DCC: variants seen among roughly 807,000 people sequenced by gnomAD.
DCC encodes the protein DCC netrin 1 receptor.
A neutral mutation model predicts 172.5 loss-of-function variants in DCC; 58 were observed. That is an observed-to-expected ratio of 0.34 (90% CI 0.27 to 0.42). DCC has a LOEUF of 0.42. Among genes scored for constraint, DCC ranks in the 10% least tolerant of loss-of-function variants. DCC has a pLI of 1.00. For synonymous variants in DCC, 709 were observed against 644.5 expected (o/e 1.10, Z -1.52); for missense variants, 1,740 against 1,791.0 (o/e 0.97, Z 0.51).
At chr18:53,509,977 G>A (rs1436884778) in intron 27 of DCC, among the ~76,000 whole-genome samples, 1 of 152,100 alleles carries the variant, frequency 6.6e-6, no homozygotes, top group African/African-American at 2.4e-5. Context: ...TGTGATGAGG[G>A]AATTAGTTAA....
chr18:52,982,132 A>G (rs1401373003), intron 5 of DCC, among the ~76,000 whole-genome samples: 1 of 152,178 alleles, frequency 6.6e-6, no homozygotes, highest in Non-Finnish European at 1.5e-5. Flanking sequence ...GCAGGGGACC[A>G]AAATGAAGAA....
At chr18:52,485,526 T>C (rs1029585352) in intron 1 of DCC, among the ~76,000 whole-genome samples, 1 of 152,230 alleles carries the variant, frequency 6.6e-6, no homozygotes, top group Non-Finnish European at 1.5e-5. Flanking sequence ...TTATTAGACA[T>C]TTTTATGCAC....
rs571044647 is a variant in DCC, at chr18:53,084,330, C to T, written c.1261+18164C>T. 3.3e-5 allele frequency among the ~76,000 whole-genome samples: 5 copies of T among 152,322 alleles called. No homozygotes were observed. In the East Asian group the frequency reaches 9.6e-4, roughly 29 times the overall value. ...AAATGAGTTAATAAATTGATGATGG[C>T]TCTGTCCTCATGACCCAATCATCTC... On this transcript the variant is annotated intron_variant, in intron 7 of 28. Coordinates refer to ENST00000442544, the MANE Select transcript of DCC (RefSeq NM_005215.4).
At chr18:53,350,790 T>G (rs1028728879) in intron 15 of DCC, among the ~76,000 whole-genome samples, 1 of 152,008 alleles carries the variant, frequency 6.6e-6, no homozygotes, top group Non-Finnish European at 1.5e-5. Context: ...GAAAATTTAA[T>G]TAGTATTAAT....
chr18:52,796,317 T>G (rs1406671496), intron 2 of DCC, among the ~76,000 whole-genome samples: 2 of 152,122 alleles, frequency 1.3e-5, no homozygotes, highest in African/African-American at 4.8e-5. Context: ...CATTTGTTAT[T>G]TTCTTATGGT....
chr18:52,409,765 G>A (rs1221512501), intron 1 of DCC, among the ~76,000 whole-genome samples: 1 of 152,118 alleles, frequency 6.6e-6, no homozygotes, highest in Non-Finnish European at 1.5e-5. Context: ...ACAATTCAAA[G>A]GTGAATAATT....
At chr18:52,634,617 G>C (rs1369019905) in intron 1 of DCC, among the ~76,000 whole-genome samples, 2 of 152,138 alleles carry the variant, frequency 1.3e-5, no homozygotes, top group African/African-American at 4.8e-5. Flanking sequence ...AATACTGAAT[G>C]CCTAATTTCA....
At chr18:52,927,218 CAT>C (rs1206976784) in intron 5 of DCC, among the ~76,000 whole-genome samples, 3 of 111,646 alleles carry the variant, frequency 2.7e-5, no homozygotes, top group African/African-American at 9.7e-5. Flanking sequence ...TACATATACA[CAT>C]ATATGCACAT....
chr18:52,377,698 CTTTTT>C (rs34881042), intron 1 of DCC, among the ~76,000 whole-genome samples: 1 of 136,040 alleles, frequency 7.4e-6, no homozygotes, highest in Non-Finnish European at 1.6e-5. Context: ...TATTAAGCCA[CTTTTT>C]TTTTTTTTTT....
chr18:52,749,854 A>C (rs867836592), intron 1 of DCC, among the ~76,000 whole-genome samples: 11 of 152,242 alleles, frequency 7.2e-5, no homozygotes, highest in Non-Finnish European at 1.3e-4. Flanking sequence ...CATGCTTTCT[A>C]ATATAGTTGC....
rs1228717858 is a variant in DCC at position 53,058,047 on chromosome 18, C to T, written c.986-5258C>T. Among the ~76,000 whole-genome samples the T allele has an allele frequency of 2.6e-5, 4 of 152,094 alleles. 1 individual carries two copies. In the South Asian group the frequency reaches 8.3e-4, roughly 32 times the overall value. Reference sequence around the variant, plus strand: ...GCTGCTTCTTGGAGAATAAATAGAACATATAACATCTGAGGAATGCAATTC... The same window carrying T: ...GCTGCTTCTTGGAGAATAAATAGAATATATAACATCTGAGGAATGCAATTC... On this transcript the variant is annotated intron_variant, in intron 5 of 28. Transcript: ENST00000442544.
chr18:53,012,600 A>C (rs770338610), intron 5 of DCC, among the ~76,000 whole-genome samples: 3 of 152,090 alleles, frequency 2.0e-5, no homozygotes, highest in Non-Finnish European at 2.9e-5. Flanking sequence ...CATATACATA[A>C]ATATACACAC....
At chr18:52,860,063 G>A (rs939852519) in intron 2 of DCC, among the ~76,000 whole-genome samples, 10 of 152,234 alleles carry the variant, frequency 6.6e-5, no homozygotes, top group Admixed American at 2.6e-4. Flanking sequence ...TGGGCTAGAC[G>A]TCTATATAGG....
At chr18:53,249,456 G>A (rs1007467114) in intron 12 of DCC, among the ~76,000 whole-genome samples, 7 of 151,712 alleles carry the variant, frequency 4.6e-5, no homozygotes, top group South Asian at 2.1e-4. Context: ...CTATGTCTAC[G>A]ACCTCGGGGT....
intron 1 of DCC, among the ~76,000 whole-genome samples, chr18:52,473,802 C>A (rs1296395292): frequency 6.6e-6 from 1 of 152,102 alleles, no homozygotes; most frequent in Non-Finnish European, 1.5e-5. Flanking sequence ...AGTCACTTTA[C>A]TTTCCCTCAA....
chr18:53,108,249 C>A (rs1189115387), intron 7 of DCC, among the ~76,000 whole-genome samples: 1 of 151,740 alleles, frequency 6.6e-6, no homozygotes, highest in African/African-American at 2.4e-5. Flanking sequence ...AGAAACAGAA[C>A]ATTGACAGCT....
intron 2 of DCC, among the ~76,000 whole-genome samples, chr18:52,865,983 T>A (rs748242815): frequency 1.5e-4 from 23 of 152,168 alleles, no homozygotes; most frequent in Non-Finnish European, 2.9e-4. Flanking sequence ...ATGTCCTGAA[T>A]GGTATTGCCT....
intron 5 of DCC, among the ~76,000 whole-genome samples, chr18:52,953,547 C>A (rs149028697): frequency 1.3e-5 from 2 of 152,306 alleles, no homozygotes; most frequent in East Asian, 3.9e-4. Context: ...TCTAATGTAG[C>A]ACTAAGGCAA....
At chr18:53,110,057 T>G (rs567364967) in intron 7 of DCC, among the ~76,000 whole-genome samples, 1 of 151,696 alleles carries the variant, frequency 6.6e-6, no homozygotes, top group Non-Finnish European at 1.5e-5. Flanking sequence ...ATGAAAACCA[T>G]TTTTTCTTTA....
Sources: gnomAD v4.1 joint callset for allele counts (sites outside exome capture counted in the v4.1 genomes callset) on GRCh38, gnomAD v4.1.1 for gene constraint, MANE v1.5 for transcripts, NCBI Gene and HGNC (gene_info 2026-07-23, HGNC 2026-07-21) for gene names.